Variants in ACOXL observed in about 807,000 individuals in gnomAD.
The protein encoded by ACOXL is acyl-CoA oxidase like.
A neutral mutation model predicts 71.9 loss-of-function variants in ACOXL; 70 were observed. That is an observed-to-expected ratio of 0.97 (90% CI 0.80 to 1.19). The LOEUF (loss-of-function observed/expected upper bound fraction) is 1.19, where lower values mean the gene tolerates loss of function less well. Among genes scored for constraint, ACOXL ranks in the 50% most tolerant of loss-of-function variants. ACOXL has a pLI of 0.00. For missense variants in ACOXL, 703 were observed against 736.3 expected, an observed-to-expected ratio of 0.95 and a Z score of 0.52; for synonymous variants, 253 against 281.6, an observed-to-expected ratio of 0.90 and a Z score of 1.02.
chr2:110,975,354 A>T (rs1482339775), intron 12 of ACOXL, among the ~76,000 whole-genome samples: 1 of 152,176 alleles, frequency 6.6e-6, no homozygotes. Context: ...GTTTCATTAT[A>T]TGTTAACACT....
At chr2:110,768,295 G>T in intron 1 of ACOXL, 73 bp from the exon 2 acceptor site, 3 of 1,225,242 alleles carry the variant, frequency 2.4e-6, no homozygotes, top group Non-Finnish European at 2.4e-6. Context: ...GTCTGAGCCC[G>T]GGGTCAAAGC....
At chr2:111,088,668 CAT>C (rs2150006043) in intron 16 of ACOXL, among the ~76,000 whole-genome samples, 1 of 152,226 alleles carries the variant, frequency 6.6e-6, no homozygotes, top group South Asian at 2.1e-4. Context: ...GATCAGGAAA[CAT>C]AACTATCGGG....
At chr2:111,025,413 T>C (rs2064974409) in intron 14 of ACOXL, among the ~76,000 whole-genome samples, 1 of 152,224 alleles carries the variant, frequency 6.6e-6, no homozygotes, top group African/African-American at 2.4e-5. Flanking sequence ...CCCAGCTGTT[T>C]CTAAAGTGGC....
intron 11 of ACOXL, among the ~76,000 whole-genome samples, chr2:110,912,992 A>G (rs2059701124): frequency 6.6e-6 from 1 of 152,220 alleles, no homozygotes; most frequent in African/African-American, 2.4e-5. Flanking sequence ...AATAACCAAT[A>G]AGCACATGAA....
At chr2:111,050,964 G>A (rs1215152270) in intron 16 of ACOXL, among the ~76,000 whole-genome samples, 1 of 152,212 alleles carries the variant, frequency 6.6e-6, no homozygotes, top group Non-Finnish European at 1.5e-5. Context: ...GATTGGGGTT[G>A]GGAGAGGAAG....
intron 15 of ACOXL, among the ~76,000 whole-genome samples, chr2:111,048,325 G>C (rs1453799109): frequency 6.6e-6 from 1 of 152,232 alleles, no homozygotes; most frequent in Non-Finnish European, 1.5e-5. Context: ...GTCATAGAGG[G>C]TAAAGAGTGA....
At chr2:110,740,092 A>AG (rs1039808472) in intron 1 of ACOXL, among the ~76,000 whole-genome samples, 3 of 152,358 alleles carry the variant, frequency 2.0e-5, no homozygotes, top group Admixed American at 2.0e-4. Flanking sequence ...AAGGACACTC[A>AG]GGTCATGTTC....
intron 17 of ACOXL, among the ~76,000 whole-genome samples, chr2:111,109,814 G>A (rs2069821326): frequency 1.3e-5 from 2 of 151,384 alleles, no homozygotes. Context: ...AAGTAGCTGG[G>A]ATTACAGACA....
chr2:110,897,559 A>C (rs115125992), intron 10 of ACOXL, among the ~76,000 whole-genome samples: 1,997 of 148,600 alleles, frequency 0.013, 18 homozygotes, highest in Middle Eastern at 0.058. Context: ...GCATTAGCCT[A>C]TTATGAGGGC....
intron 12 of ACOXL, among the ~76,000 whole-genome samples, chr2:110,940,094 T>A (rs998201300): frequency 2.0e-5 from 3 of 152,188 alleles, no homozygotes; most frequent in African/African-American, 7.2e-5. Flanking sequence ...ATGTATGAAA[T>A]TGAAAAAAGG....
chr2:111,012,213 C>A (rs1221898926), intron 14 of ACOXL, among the ~76,000 whole-genome samples: 1 of 152,174 alleles, frequency 6.6e-6, no homozygotes, highest in Admixed American at 6.5e-5. Flanking sequence ...CTCTTGGTGC[C>A]ATTTTTCCAA....
chr2:110,968,067 A>G, intron 12 of ACOXL: 12 of 1,180,352 alleles, frequency 1.0e-5, no homozygotes, highest in Non-Finnish European at 1.3e-5. Context: ...TCTGCGCAGC[A>G]TACGCACACG....
chr2:111,108,120 G>T (rs944624482), intron 17 of ACOXL, among the ~76,000 whole-genome samples: 1 of 151,754 alleles, frequency 6.6e-6, no homozygotes, highest in African/African-American at 2.4e-5. Flanking sequence ...AAAATGTATC[G>T]GGTTTTTCAT....
chr2:110,943,156 GAAAA>G, intron 12 of ACOXL, among the ~76,000 whole-genome samples: 1 of 79,610 alleles, frequency 1.3e-5, no homozygotes, highest in Non-Finnish European at 2.6e-5. Context: ...GAAAGAGAAA[GAAAA>G]AGAAAAAGGG....
At chr2:110,748,060 C>T (rs1194301972) in intron 1 of ACOXL, among the ~76,000 whole-genome samples, 1 of 152,140 alleles carries the variant, frequency 6.6e-6, no homozygotes, top group Non-Finnish European at 1.5e-5. Flanking sequence ...CCATGCCATC[C>T]ATCCCCTGTG....
chr2:111,108,050 T>G (rs2069667369), intron 17 of ACOXL, among the ~76,000 whole-genome samples: 1 of 152,160 alleles, frequency 6.6e-6, no homozygotes, highest in Admixed American at 6.5e-5. Flanking sequence ...TTCCTATGAG[T>G]CTAAGCCAGT....
intron 15 of ACOXL, among the ~76,000 whole-genome samples, chr2:111,041,658 TGGCCATGGTGAGCCAA>T (rs1191339059): frequency 6.6e-6 from 1 of 152,212 alleles, no homozygotes; most frequent in Non-Finnish European, 1.5e-5. Context: ...AAGCAGCCTT[TGGCCATGGTGAGCCAA>T]GGCCATGTCA....
At chr2:110,892,989 C>G (rs1372285296) in intron 10 of ACOXL, among the ~76,000 whole-genome samples, 1 of 152,202 alleles carries the variant, frequency 6.6e-6, no homozygotes, top group African/African-American at 2.4e-5. Flanking sequence ...GGTAGACCTA[C>G]ATCTCTCACC....
intron 12 of ACOXL, among the ~76,000 whole-genome samples, chr2:110,943,309 AAG>A (rs1255892520): frequency 2.0e-5 from 3 of 151,282 alleles, no homozygotes; most frequent in Non-Finnish European, 4.4e-5. Context: ...AGAAGAGAGA[AAG>A]AGAAAAAGAA....
Sources: gnomAD v4.1 joint callset for allele counts (sites outside exome capture counted in the v4.1 genomes callset) on GRCh38, gnomAD v4.1.1 for gene constraint, MANE v1.5 for transcripts, NCBI Gene and HGNC (gene_info 2026-07-23, HGNC 2026-07-21) for gene names.